The following ALMS1 variants were observed in gnomAD, a reference collection of about 807,000 sequenced individuals.
ALMS1 encodes ALMS1 centrosome and basal body associated protein.
A neutral mutation model predicts 352.2 loss-of-function variants in ALMS1; 271 were observed. That is an observed-to-expected ratio of 0.77 (90% CI 0.70 to 0.85). The LOEUF is 0.85. Among genes scored for constraint, ALMS1 ranks in the 40% least tolerant of loss-of-function variants. The probability of loss-of-function intolerance (pLI) is 0.00; values close to 1 mark genes in which losing one functional copy is unlikely to be tolerated. For missense variants in ALMS1, 5,445 were observed against 4,870.7 expected (o/e 1.12, Z -3.51); for synonymous variants, 1,865 against 1,761.2 (o/e 1.06, Z -1.48).
At position 73,451,052 on chromosome 2, in the gene ALMS1, G is replaced by C; in HGVS notation, c.4525G>C (p.Val1509Leu). 6.2e-7 allele frequency: 1 copy of C among 1,613,292 alleles called. No homozygotes were observed. Among genetic ancestry groups the C allele is most frequent in the East Asian group, 2.2e-5 (1 of 44,836 alleles). Residue 1509 changes from valine (V) to leucine (L), a missense_variant, in exon 8 of 23, where the codon GTT (valine) becomes CTT (leucine). Coordinates refer to ENST00000613296, the MANE Select transcript of ALMS1 (RefSeq NM_001378454.1). ...SLKVSVAPGP[V>L]GQTTGAPTIT... ...GAAAGTTTCAGTTGCTCCTGGACCA[G>C]TTGGCCAGACAACTGGCGCACCAAC... is the stretch of plus-strand genomic sequence containing the variant.
chr2:73,447,673 C>G (rs1261792344), intron 7 of ALMS1, among the ~76,000 whole-genome samples: 1 of 152,150 alleles, frequency 6.6e-6, no homozygotes, highest in Admixed American at 6.5e-5. Flanking sequence ...ATTATCCCAT[C>G]TCATTGAAAA....
chr2:73,527,876 A>G (rs779786008), intron 11 of ALMS1, among the ~76,000 whole-genome samples: 3 of 151,584 alleles, frequency 2.0e-5, no homozygotes, highest in African/African-American at 7.3e-5. Context: ...TTTTTAATGT[A>G]GGTGCTTATA....
intron 1 of ALMS1, among the ~76,000 whole-genome samples, chr2:73,389,654 T>C (rs1670602400): frequency 6.6e-6 from 1 of 152,102 alleles, no homozygotes; most frequent in Admixed American, 6.6e-5. Flanking sequence ...CTACAGCCAA[T>C]GTGAGAAAAT....
In ALMS1 at chr2:73,453,143, A is replaced by C. The variant is rs746837816; in HGVS notation, c.6616A>C (p.Ile2206Leu). The C allele has an allele frequency of 1.2e-6, 2 of 1,613,976 alleles. No homozygotes were observed. Among genetic ancestry groups the C allele is most frequent in the Non-Finnish European group, 1.7e-6 (2 of 1,180,002 alleles). The change falls in exon 8 of 23, where the codon ATA (isoleucine) becomes CTA (leucine). Residue 2206 changes from isoleucine to leucine, a missense_variant. Ile to Leu is a conservative substitution (Grantham distance 5). Transcript: ENST00000613296. ...TGTTTCAGAACATGTCCAAAGGCTA[A>C]TAGATAATTTGAATTCTTCTGACTC... ...KLVSEHVQRLIDNLNSSDSSV... is the reference protein window; with the variant it reads ...KLVSEHVQRLLDNLNSSDSSV...
intron 11 of ALMS1, among the ~76,000 whole-genome samples, chr2:73,531,222 A>G (rs1413999404): frequency 1.3e-5 from 2 of 152,072 alleles, no homozygotes; most frequent in African/African-American, 4.8e-5. Flanking sequence ...CCAATTTCAA[A>G]CCCTCTCTTT....
At chr2:73,471,419 A>G (rs1672465271) in intron 9 of ALMS1, among the ~76,000 whole-genome samples, 1 of 147,170 alleles carries the variant, frequency 6.8e-6, no homozygotes, top group African/African-American at 2.6e-5. Flanking sequence ...GAATAGGAGA[A>G]AATATTTGCA....
intron 9 of ALMS1, among the ~76,000 whole-genome samples, chr2:73,476,398 C>G (rs1553407694): frequency 2.6e-5 from 4 of 152,038 alleles, no homozygotes; most frequent in Non-Finnish European, 5.9e-5. Context: ...GCTTTCACTT[C>G]TTTTGGGTAC....
intron 1 of ALMS1, among the ~76,000 whole-genome samples, chr2:73,403,267 G>A (rs1403957935): frequency 1.3e-5 from 2 of 152,130 alleles, no homozygotes; most frequent in Non-Finnish European, 2.9e-5. Context: ...AATTTTCTCA[G>A]CACCATTATT....
At chr2:73,466,470 T>A (rs1274599750) in intron 9 of ALMS1, among the ~76,000 whole-genome samples, 3 of 112,462 alleles carry the variant, frequency 2.7e-5, no homozygotes, top group South Asian at 6.7e-4. Flanking sequence ...AACATCACAC[T>A]CTGGGGCCTG....
chr2:73,390,996 C>A (rs540521409), intron 1 of ALMS1, among the ~76,000 whole-genome samples: 1 of 152,088 alleles, frequency 6.6e-6, no homozygotes, highest in South Asian at 2.1e-4. Context: ...GTCTTGATCT[C>A]TTGACCTCAG....
At chr2:73,484,078 A>C (rs1364882691) in intron 9 of ALMS1, among the ~76,000 whole-genome samples, 1 of 151,620 alleles carries the variant, frequency 6.6e-6, no homozygotes, top group Non-Finnish European at 1.5e-5. Context: ...TTTATATTTA[A>C]AGTTAATATT....
At chr2:73,467,148 T>C (rs149893848) in intron 9 of ALMS1, among the ~76,000 whole-genome samples, 5 of 152,240 alleles carry the variant, frequency 3.3e-5, no homozygotes, top group African/African-American at 1.2e-4. Context: ...TAAATTGCTC[T>C]TCATGAAAGT....
chr2:73,485,608 C>T (rs561120955), intron 9 of ALMS1, among the ~76,000 whole-genome samples: 3 of 152,214 alleles, frequency 2.0e-5, no homozygotes, highest in African/African-American at 7.2e-5. Context: ...CCACCCAGTT[C>T]GAGCTTCCAG....
intron 10 of ALMS1, among the ~76,000 whole-genome samples, chr2:73,512,096 C>A (rs1212258554): frequency 2.6e-4 from 39 of 152,062 alleles, no homozygotes; most frequent in Non-Finnish European, 1.5e-5. Context: ...GATGGAGTCT[C>A]ACTCTGTCAC....
At chr2:73,562,951 A>G (rs146575946) in intron 15 of ALMS1, among the ~76,000 whole-genome samples, 4 of 152,190 alleles carry the variant, frequency 2.6e-5, no homozygotes, top group African/African-American at 9.6e-5. Flanking sequence ...AAAACATCCA[A>G]AATATTTAGA....
chr2:73,487,997 G>A (rs1672890859), intron 9 of ALMS1, among the ~76,000 whole-genome samples: 1 of 152,180 alleles, frequency 6.6e-6, no homozygotes, highest in Admixed American at 6.5e-5. Flanking sequence ...CAAAGGGGAG[G>A]AGATGCATGC....
chr2:73,521,755 AC>A (rs1673685194), intron 11 of ALMS1, among the ~76,000 whole-genome samples: 1 of 151,898 alleles, frequency 6.6e-6, no homozygotes, highest in Admixed American at 6.6e-5. Context: ...GTTTCCAAAA[AC>A]AAAAAAAAAG....
At chr2:73,442,259 T>C (rs1671733937) in intron 7 of ALMS1, among the ~76,000 whole-genome samples, 2 of 152,200 alleles carry the variant, frequency 1.3e-5, no homozygotes, top group Admixed American at 6.5e-5. Flanking sequence ...TTTCAGATTT[T>C]TGGATTAGGT....
intron 10 of ALMS1, among the ~76,000 whole-genome samples, chr2:73,511,821 A>C: frequency 6.6e-6 from 1 of 152,162 alleles, no homozygotes; most frequent in East Asian, 1.9e-4. Context: ...AATATCCTAG[A>C]ATGCACAAGA....
Sources: gnomAD v4.1 joint callset for allele counts (sites outside exome capture counted in the v4.1 genomes callset) on GRCh38, gnomAD v4.1.1 for gene constraint, MANE v1.5 for transcripts, NCBI Gene and HGNC (gene_info 2026-07-23, HGNC 2026-07-21) for gene names.